The following YTHDF3 variants were observed in gnomAD, a reference collection of about 807,000 sequenced individuals.
YTHDF3 encodes the protein YTH N6-methyladenosine RNA binding protein F3, also known as YTH domain-containing family protein 3.
A neutral mutation model predicts 52.5 loss-of-function variants in YTHDF3; 9 were observed. The observed-to-expected ratio is 0.17, with a 90% CI of 0.10 to 0.30. The LOEUF (loss-of-function observed/expected upper bound fraction) is 0.30. Among genes scored for constraint, YTHDF3 ranks in the 10% least tolerant of loss-of-function variants. YTHDF3 has a pLI of 1.00. For synonymous variants in YTHDF3, 274 were observed against 243.3 expected (o/e 1.13, Z -1.18); for missense variants, 534 against 715.0 (o/e 0.75, Z 2.89).
At chr8:63,179,946 C>T (rs527582700) in intron 3 of YTHDF3, among the ~76,000 whole-genome samples, 2,755 of 151,256 alleles carry the variant, frequency 0.018, 40 homozygotes, top group Non-Finnish European at 0.029. Context: ...CCTCACCTCC[C>T]GGACGGGGCG....
Position 63,186,947 on chromosome 8 carries a change from A to G in YTHDF3, c.936A>G (p.Pro312=), listed in dbSNP as rs1808552285. ...QQPQPLIQPP[P]LVQSQLPQQQ... ...CTCAGCCATTAATTCAACCACCACC[A>G]TTGGTGCAAAGCCAACTGCCTCAAC... Residue 312 remains proline (P), a synonymous_variant, in exon 4 of 5, where the codon CCA becomes CCG. Coordinates refer to ENST00000539294, the MANE Select transcript of YTHDF3 (RefSeq NM_152758.6). 2 of 1,613,936 alleles carry G rather than the reference A, an allele frequency of 1.2e-6. No individual in the cohort carries two copies. The highest frequency in any genetic ancestry group is 1.7e-6 in the Non-Finnish European group (2 of 1,179,856).
chr8:63,201,329 C>T (rs367966781), intron 4 of YTHDF3, among the ~76,000 whole-genome samples: 38 of 152,002 alleles, frequency 2.5e-4, no homozygotes, highest in Non-Finnish European at 4.0e-4. Context: ...TTCGAGACCA[C>T]GCTGGCCAAC....
At chr8:63,180,856 C>G (rs375718464) in intron 3 of YTHDF3, among the ~76,000 whole-genome samples, 1 of 152,180 alleles carries the variant, frequency 6.6e-6, no homozygotes, top group Non-Finnish European at 1.5e-5. Flanking sequence ...CGCCTGCAAT[C>G]GCAGGCACTC....
intron 4 of YTHDF3, among the ~76,000 whole-genome samples, chr8:63,206,045 CTCATAAGCAGCCT>C (rs1397418326): frequency 3.9e-5 from 6 of 152,022 alleles, no homozygotes; most frequent in Non-Finnish European, 8.8e-5. Flanking sequence ...ATTTAGTTGT[CTCATAAGCAGCCT>C]AAATTTAGTG....
rs778575804 is a variant in YTHDF3, at chr8:63,168,908, G to T, written c.24+7G>T. 8.4e-6 allele frequency: 13 copies of T among 1,552,076 alleles called. No homozygotes were observed. Among genetic ancestry groups the T allele is most frequent in the Non-Finnish European group, 1.1e-5 (13 of 1,147,642 alleles). ...AGCCACTAGCGTGGATCAGGTGAGG[G>T]AGCAGAGGCCCCAGGCTTGGCGAAG... On this transcript the variant is annotated splice_region_variant and intron_variant, in intron 1 of 4. Coordinates refer to ENST00000539294, the MANE Select transcript of YTHDF3 (RefSeq NM_152758.6).
At chr8:63,179,266 AG>A (rs946032928) in intron 3 of YTHDF3, among the ~76,000 whole-genome samples, 4 of 148,878 alleles carry the variant, frequency 2.7e-5, no homozygotes, top group African/African-American at 1.0e-4. Flanking sequence ...TTTCTCGCAG[AG>A]GGGGATTTGG....
intron 1 of YTHDF3, 106 bp downstream of exon 1, chr8:63,169,007 C>T: frequency 3.4e-6 from 5 of 1,483,558 alleles, no homozygotes; most frequent in Non-Finnish European, 4.5e-6. Context: ...GGCCCCATAA[C>T]GGTGCCCCGG....
rs1165426430 is a variant in YTHDF3 at position 63,187,532 on chromosome 8, T to C, written c.1521T>C (p.Phe507=). The C allele has an allele frequency of 6.2e-7, 1 of 1,613,868 alleles. No individual in the cohort carries two copies. The highest frequency in any genetic ancestry group is 8.5e-7 in the Non-Finnish European group (1 of 1,179,888). Residue 507 remains phenylalanine (F), a synonymous_variant, in exon 4 of 5, where the codon TTT becomes TTC. Transcript: ENST00000539294. ...WKGKFEVKWI[F]VKDVPNNQLR... ...GCAAATTTGAAGTTAAATGGATCTT[T>C]GTCAAAGATGTTCCCAATAACCAAT...
rs1007568832 is a variant in YTHDF3, at chr8:63,169,112, G to T, written c.24+211G>T. ...GGGCGCGGTGCCGCGGCGGGTGGGG[G>T]CAAGGACCGGTCTTAGGGGCCTTAG... On this transcript the variant is annotated intron_variant, in intron 1 of 4. Coordinates refer to ENST00000539294, the MANE Select transcript of YTHDF3 (RefSeq NM_152758.6). The T allele has an allele frequency of 1.9e-5, 27 of 1,395,740 alleles. No homozygotes were observed. The Admixed American group carries it at 8.9e-4, about 46-fold the overall frequency. The allele number at this position is 1,395,740 out of a possible 1,614,324, so 86.5% of individuals were successfully genotyped here.
chr8:63,173,759 T>C, intron 2 of YTHDF3: 2 of 898,020 alleles, frequency 2.2e-6, no homozygotes, highest in East Asian at 1.2e-4. Flanking sequence ...GCACCCTCTT[T>C]ATTTTGGTTT....
At chr8:63,172,286 T>C (rs1396387385) in intron 2 of YTHDF3, among the ~76,000 whole-genome samples, 2 of 152,190 alleles carry the variant, frequency 1.3e-5, no homozygotes, top group Non-Finnish European at 2.9e-5. Context: ...GTTGGAAGTG[T>C]CAGATGCCAT....
At chr8:63,205,381 T>C (rs780776104) in intron 4 of YTHDF3, among the ~76,000 whole-genome samples, 2 of 152,132 alleles carry the variant, frequency 1.3e-5, no homozygotes, top group East Asian at 3.9e-4. Context: ...CATTTTATAA[T>C]AACATCAAAA....
intron 4 of YTHDF3, among the ~76,000 whole-genome samples, chr8:63,194,424 G>A (rs2150384827): frequency 6.6e-6 from 1 of 152,324 alleles, no homozygotes; most frequent in South Asian, 2.1e-4. Flanking sequence ...GGCAGAGGTT[G>A]CAGTGAGGCG....
chr8:63,198,544 G>A lies in YTHDF3; in HGVS notation c.1734+10799G>A, dbSNP rs148141903. 2.0e-5 allele frequency among the ~76,000 whole-genome samples: 3 copies of A among 152,326 alleles called. No individual in the cohort carries two copies. In the East Asian group the frequency reaches 5.8e-4, roughly 29 times the overall value. On this transcript the variant is annotated intron_variant, in intron 4 of 4. Coordinates refer to ENST00000539294, the MANE Select transcript of YTHDF3 (RefSeq NM_152758.6). Reference sequence around the variant, plus strand: ...TGCCTTCCAAAGTGCTGGGATTACAGACTTGAGCCACCGTGCCTGGCCAAG... The same window carrying A: ...TGCCTTCCAAAGTGCTGGGATTACAAACTTGAGCCACCGTGCCTGGCCAAG...
intron 4 of YTHDF3, among the ~76,000 whole-genome samples, chr8:63,203,678 A>G (rs1809792835): frequency 6.6e-6 from 1 of 152,192 alleles, no homozygotes; most frequent in South Asian, 2.1e-4. Flanking sequence ...GTCTTTTTCA[A>G]GATCTAGTCT....
chr8:63,179,964 G>A (rs13282689), intron 3 of YTHDF3, among the ~76,000 whole-genome samples: 1 of 149,784 alleles, frequency 6.7e-6, no homozygotes, highest in Non-Finnish European at 1.5e-5. Flanking sequence ...GCGGCTGGCC[G>A]GGCGGGGGGC....
At chr8:63,173,690 G>C in intron 2 of YTHDF3, 6 of 985,226 alleles carry the variant, frequency 6.1e-6, no homozygotes, top group Non-Finnish European at 7.2e-6. Context: ...AGGTATGTCA[G>C]AATCTCTTGG....
At chr8:63,191,892 A>T (rs1037907080) in intron 4 of YTHDF3, among the ~76,000 whole-genome samples, 1 of 152,116 alleles carries the variant, frequency 6.6e-6, no homozygotes, top group African/African-American at 2.4e-5. Context: ...CATTGTGTCT[A>T]TTCCATTCAT....
chr8:63,173,202 T>TATATATA (rs1554533375), intron 2 of YTHDF3, among the ~76,000 whole-genome samples: 9,242 of 125,738 alleles, frequency 0.074, 592 homozygotes, highest in East Asian at 0.37. Flanking sequence ...AGGATTATAT[T>TATATATA]TATATATATA....
Sources: allele counts gnomAD v4.1 joint callset (sites outside exome capture counted in the v4.1 genomes callset), GRCh38; gene constraint gnomAD v4.1.1; transcripts MANE v1.5; gene names NCBI Gene and HGNC (gene_info 2026-07-23, HGNC 2026-07-21).